KCNQ3: variants seen among roughly 807,000 people sequenced by gnomAD.
The protein encoded by KCNQ3 is potassium voltage-gated channel subfamily KQT member 3.
KCNQ3 carries 30 observed loss-of-function variants against 92.5 expected under a neutral mutation model. The observed-to-expected ratio is 0.32, with a 90% CI of 0.24 to 0.44. The LOEUF (loss-of-function observed/expected upper bound fraction) is 0.44. Among genes scored for constraint, KCNQ3 ranks in the 20% least tolerant of loss-of-function variants. KCNQ3 has a pLI of 1.00. For synonymous variants in KCNQ3, 450 were observed against 468.8 expected (o/e 0.96, Z 0.52); for missense variants, 913 against 1,140.3 (o/e 0.80, Z 2.87).
chr8:132,421,952 C>G (rs1820977437), intron 1 of KCNQ3, among the ~76,000 whole-genome samples: 1 of 152,162 alleles, frequency 6.6e-6, no homozygotes, highest in African/African-American at 2.4e-5. Context: ...CCTTCCTCTT[C>G]TGGTGGGATC....
chr8:132,380,183 T>C (rs947060255), intron 1 of KCNQ3, among the ~76,000 whole-genome samples: 5 of 152,146 alleles, frequency 3.3e-5, no homozygotes, highest in Admixed American at 2.0e-4. Flanking sequence ...CTGATGAGAA[T>C]TGAAGGGTAC....
In KCNQ3 at chr8:132,139,087, G is replaced by A. The variant is rs115813266; in HGVS notation, c.1568+989C>T. Among the ~76,000 whole-genome samples, 246 of 152,286 alleles carry A rather than the reference G, an allele frequency of 1.6e-3. 1 individual carries two copies. Among genetic ancestry groups the A allele is most frequent in the African/African-American group, 5.7e-3 (235 of 41,556 alleles). On this transcript the variant is annotated intron_variant, in intron 11 of 14. Coordinates refer to ENST00000388996, the MANE Select transcript of KCNQ3 (RefSeq NM_004519.4). ...GCTACAATGATAGAGCTGAACACTTGCAGCAGAGACCTATGGACCAGGAAG... is the reference window on the plus strand; with the variant it reads ...GCTACAATGATAGAGCTGAACACTTACAGCAGAGACCTATGGACCAGGAAG...
intron 1 of KCNQ3, among the ~76,000 whole-genome samples, chr8:132,292,957 T>G (rs1816901612): frequency 6.6e-6 from 1 of 151,362 alleles, no homozygotes; most frequent in South Asian, 2.1e-4. Flanking sequence ...GATTATGCGC[T>G]TTTTGTCCAA....
intron 1 of KCNQ3, among the ~76,000 whole-genome samples, chr8:132,248,171 C>T (rs1815249701): frequency 6.6e-6 from 1 of 152,046 alleles, no homozygotes; most frequent in African/African-American, 2.4e-5. Flanking sequence ...GAAACACTTC[C>T]TAGCTCTCTC....
intron 1 of KCNQ3, among the ~76,000 whole-genome samples, chr8:132,267,051 T>C (rs1446843668): frequency 1.3e-5 from 2 of 152,222 alleles, no homozygotes; most frequent in Non-Finnish European, 2.9e-5. Context: ...GAAAAGGCTC[T>C]GAAGGGAAGG....
intron 1 of KCNQ3, among the ~76,000 whole-genome samples, chr8:132,273,966 T>G (rs558934338): frequency 6.6e-6 from 1 of 152,318 alleles, no homozygotes; most frequent in South Asian, 2.1e-4. Flanking sequence ...AACAAGTCTC[T>G]AGGCAGTTCC....
intron 1 of KCNQ3, among the ~76,000 whole-genome samples, chr8:132,388,908 G>C (rs1338135989): frequency 6.6e-6 from 1 of 152,152 alleles, no homozygotes; most frequent in African/African-American, 2.4e-5. Flanking sequence ...TTGGAGTATA[G>C]TGGGAAACTT....
chr8:132,172,743 C>T (rs1826420066), intron 6 of KCNQ3, 50 bp from the exon 7 acceptor site: 1 of 1,351,330 alleles, frequency 7.4e-7, no homozygotes, highest in Non-Finnish European at 1.1e-6. Flanking sequence ...ACTGTCCCAG[C>T]ATTCCCGCTC....
chr8:132,203,602 T>G (rs1827529227), intron 1 of KCNQ3, among the ~76,000 whole-genome samples: 2 of 152,204 alleles, frequency 1.3e-5, no homozygotes, highest in African/African-American at 4.8e-5. Flanking sequence ...AAACATAAAT[T>G]CAGGAGTCAG....
intron 1 of KCNQ3, among the ~76,000 whole-genome samples, chr8:132,261,469 C>CTCAT (rs1472455660): frequency 6.6e-6 from 1 of 152,184 alleles, no homozygotes; most frequent in East Asian, 1.9e-4. Flanking sequence ...GGCTCACTTC[C>CTCAT]TCATCCTCAG....
intron 1 of KCNQ3, among the ~76,000 whole-genome samples, chr8:132,436,871 T>C (rs1436431918): frequency 2.0e-5 from 3 of 152,250 alleles, no homozygotes; most frequent in African/African-American, 7.2e-5. Context: ...GTCGCAGATT[T>C]CCACCCACTT....
intron 1 of KCNQ3, among the ~76,000 whole-genome samples, chr8:132,230,866 C>CA (rs35045314): frequency 3.3e-5 from 5 of 152,046 alleles, no homozygotes; most frequent in South Asian, 4.2e-4. Context: ...GTGTCCTCCT[C>CA]AAAAAAATTT....
chr8:132,379,887 C>CTTT (rs199901844), intron 1 of KCNQ3, among the ~76,000 whole-genome samples: 2 of 133,308 alleles, frequency 1.5e-5, no homozygotes, highest in African/African-American at 2.7e-5. Flanking sequence ...ATCTTGGCAT[C>CTTT]TTTTTTTTTT....
chr8:132,326,899 T>C (rs1298889011), intron 1 of KCNQ3, among the ~76,000 whole-genome samples: 1 of 152,262 alleles, frequency 6.6e-6, no homozygotes, highest in Admixed American at 6.5e-5. Flanking sequence ...TCAAAGAGAC[T>C]ACCTCGACCA....
intron 1 of KCNQ3, 151 bp downstream of exon 1, chr8:132,479,996 A>G: frequency 1.5e-6 from 1 of 689,214 alleles, no homozygotes; most frequent in South Asian, 1.8e-5. Flanking sequence ...ACACACACCC[A>G]GGGAAACGCG....
chr8:132,213,332 CCTT>C (rs1232539155), intron 1 of KCNQ3, among the ~76,000 whole-genome samples: 1 of 152,318 alleles, frequency 6.6e-6, no homozygotes, highest in East Asian at 1.9e-4. Context: ...GTGCCGCTCT[CCTT>C]CTGCAATTTC....
intron 1 of KCNQ3, among the ~76,000 whole-genome samples, chr8:132,430,157 T>A (rs1405731755): frequency 6.6e-6 from 1 of 152,146 alleles, no homozygotes; most frequent in African/African-American, 2.4e-5. Flanking sequence ...TCACAGAAAT[T>A]ATGTTTAGTG....
rs10673519 is a variant in KCNQ3 at position 132,133,354 on chromosome 8, C to CTTTTTTTTTTTTTT, written c.1799+922_1799+935dup. On this transcript the variant is annotated intron_variant, in intron 13 of 14. Transcript: ENST00000388996. ...TATCATCACGTTAATGCTCTCGATT[C>CTTTTTTTTTTTTTT]TTTTTTTTTTTTTTTTTTTTGAGAT... is the stretch of plus-strand genomic sequence containing the variant. Among the ~76,000 whole-genome samples, 2 of 103,478 alleles carry CTTTTTTTTTTTTTT rather than the reference C, an allele frequency of 1.9e-5. 1 individual carries two copies. Among genetic ancestry groups the CTTTTTTTTTTTTTT allele is most frequent in the Non-Finnish European group, 3.6e-5 (2 of 55,058 alleles). 67.9% of individuals were successfully genotyped at this position (103,478 alleles called of 152,430 possible).
chr8:132,391,874 A>T (rs1209271080), intron 1 of KCNQ3, among the ~76,000 whole-genome samples: 1 of 152,220 alleles, frequency 6.6e-6, no homozygotes, highest in Non-Finnish European at 1.5e-5. Context: ...TGCTTCCTGC[A>T]CTGGCGAGGG....
Sources: gnomAD v4.1 joint callset for allele counts (sites outside exome capture counted in the v4.1 genomes callset) on GRCh38, gnomAD v4.1.1 for gene constraint, MANE v1.5 for transcripts, NCBI Gene and HGNC (gene_info 2026-07-23, HGNC 2026-07-21) for gene names.